ZNF713: variants seen among roughly 807,000 people sequenced by gnomAD.
ZNF713 encodes zinc finger protein 713.
Under a neutral mutation model 28.7 loss-of-function variants are expected in ZNF713, and 21 were observed. That is an observed-to-expected ratio of 0.73 (90% CI 0.52 to 1.05). The LOEUF (loss-of-function observed/expected upper bound fraction) is 1.05, where lower values mean the gene tolerates loss of function less well. ZNF713 is among the 50% of genes least tolerant of loss of function. The probability of loss-of-function intolerance (pLI) is 0.00; values close to 1 mark genes in which losing one functional copy is unlikely to be tolerated. For synonymous variants in ZNF713, 167 were observed against 178.0 expected, an observed-to-expected ratio of 0.94 and a Z score of 0.49; for missense variants, 458 against 532.4, an observed-to-expected ratio of 0.86 and a Z score of 1.37.
In ZNF713 at chr7:55,939,753, A is replaced by C; in HGVS notation, c.1079A>C (p.His360Pro). The C allele has an allele frequency of 6.2e-7, 1 of 1,614,214 alleles. No individual in the cohort carries two copies. Among genetic ancestry groups the C allele is most frequent in the South Asian group, 1.1e-5 (1 of 91,086 alleles). ...AGCCGCATCACATCCCTTACTGAAC[A>C]TCATAGACTTCATACCGGAGAGAAA... Reference protein sequence around the residue: ...AFSRITSLTEHHRLHTGEKPY... With the variant: ...AFSRITSLTEPHRLHTGEKPY... The change falls in exon 7 of 7, where the codon CAT becomes CCT. Residue 360 changes from histidine to proline, a missense_variant. Physicochemically the swap from His to Pro is moderately conservative, Grantham distance 77 (BLOSUM62 -2). Coordinates refer to ENST00000429591, the MANE Select transcript of ZNF713 (RefSeq NM_182633.3).
chr7:55,908,228 C>A lies in ZNF713; in HGVS notation c.-456+1849C>A, dbSNP rs190986037. On this transcript the variant is annotated intron_variant, in intron 2 of 6. Coordinates refer to ENST00000429591, the MANE Select transcript of ZNF713 (RefSeq NM_182633.3). ...TGTGATCTTGGCTCAGTGCAACCTC[C>A]GTCTCCCAGGCTTAAGCGATTCTCC... 3.0e-3 allele frequency among the ~76,000 whole-genome samples: 449 copies of A among 149,938 alleles called. 5 individuals carry two copies. The highest frequency in any genetic ancestry group is 5.5e-3 in the Admixed American group (82 of 14,964).
At chr7:55,932,766 C>T (rs1786237984) in intron 6 of ZNF713, among the ~76,000 whole-genome samples, 1 of 148,264 alleles carries the variant, frequency 6.7e-6, no homozygotes, top group African/African-American at 2.5e-5. Context: ...CGCCTGTAGT[C>T]CCAGCTACTC....
In ZNF713 at chr7:55,900,483, G is replaced by A. The variant is rs377672582; in HGVS notation, c.-582-5770G>A. On this transcript the variant is annotated intron_variant, in intron 1 of 6. Transcript: ENST00000429591. Reference sequence around the variant, plus strand: ...ACTCCATTTCAAAAAAAAAAAATGTGGTATATATACACAATGGAATACTAT... The same window carrying A: ...ACTCCATTTCAAAAAAAAAAAATGTAGTATATATACACAATGGAATACTAT... 4.8e-4 allele frequency among the ~76,000 whole-genome samples: 73 copies of A among 151,646 alleles called. 1 individual carries two copies. In the East Asian group the frequency reaches 8.3e-3, roughly 17 times the overall value.
intron 1 of ZNF713, among the ~76,000 whole-genome samples, chr7:55,892,425 A>G (rs1351704773): frequency 6.6e-6 from 1 of 151,762 alleles, no homozygotes; most frequent in African/African-American, 2.4e-5. Flanking sequence ...TTTTCTCCCT[A>G]TCATAAGGGT....
chr7:55,935,091 G>A (rs927584315), intron 6 of ZNF713, among the ~76,000 whole-genome samples: 12 of 151,668 alleles, frequency 7.9e-5, no homozygotes, highest in East Asian at 3.9e-4. Context: ...GGGTTTCACC[G>A]TGTTGGCCAG....
chr7:55,939,411 A>G lies in ZNF713; in HGVS notation c.737A>G (p.Gln246Arg). The change falls in exon 7 of 7, where the codon CAA (glutamine) becomes CGA (arginine). Residue 246 changes from glutamine (Q) to arginine (R), a missense_variant. Coordinates refer to ENST00000429591, the MANE Select transcript of ZNF713 (RefSeq NM_182633.3). Reference protein sequence around the residue: ...EYSECGKIFNQHILLTDHIHT... With the variant: ...EYSECGKIFNRHILLTDHIHT... ...AGTGAGTGTGGAAAAATCTTCAATC[A>G]ACATATTCTTCTTACTGATCATATT... 6.2e-7 allele frequency: 1 copy of G among 1,613,888 alleles called. No individual in the cohort carries two copies. The highest frequency in any genetic ancestry group is 8.5e-7 in the Non-Finnish European group (1 of 1,180,012).
intron 1 of ZNF713, among the ~76,000 whole-genome samples, chr7:55,892,226 C>T (rs534605602): frequency 1.1e-4 from 15 of 139,808 alleles, no homozygotes; most frequent in African/African-American, 2.5e-4. Context: ...TGCAGTGAGC[C>T]GAGATCGCGC....
chr7:55,928,854 G>A (rs1413718953), intron 6 of ZNF713, among the ~76,000 whole-genome samples: 3 of 152,010 alleles, frequency 2.0e-5, no homozygotes, highest in African/African-American at 4.8e-5. Context: ...CCTGCAGGCC[G>A]GGTGCCAGGG....
chr7:55,932,807 C>CCGGGAAG (rs2116262263), intron 6 of ZNF713, among the ~76,000 whole-genome samples: 1 of 133,766 alleles, frequency 7.5e-6, no homozygotes, highest in Admixed American at 8.4e-5. Flanking sequence ...TGGCGTGAAC[C>CCGGGAAG]CGGGAAGCGG....
intron 1 of ZNF713, among the ~76,000 whole-genome samples, chr7:55,903,013 AAAG>A (rs1261650320): frequency 4.7e-5 from 7 of 150,484 alleles, no homozygotes; most frequent in African/African-American, 1.2e-4. Flanking sequence ...AAAAAAAAAA[AAAG>A]AGTGTTAATT....
chr7:55,936,896 C>T lies in ZNF713; in HGVS notation c.308-2086C>T, dbSNP rs556992608. Among the ~76,000 whole-genome samples the T allele has an allele frequency of 1.6e-3, 243 of 152,210 alleles. 7 individuals carry two copies. In the South Asian group the frequency reaches 0.049, roughly 31 times the overall value. On this transcript the variant is annotated intron_variant, in intron 6 of 6. Coordinates refer to ENST00000429591, the MANE Select transcript of ZNF713 (RefSeq NM_182633.3). Reference sequence around the variant, plus strand: ...TGGTAAAAGTTCTCCAAAATGAAGCCATTTTAACCATCTGCTAAGCTGAGT... The same window carrying T: ...TGGTAAAAGTTCTCCAAAATGAAGCTATTTTAACCATCTGCTAAGCTGAGT...
intron 1 of ZNF713, among the ~76,000 whole-genome samples, chr7:55,895,888 G>A (rs1188414726): frequency 6.6e-6 from 1 of 152,140 alleles, no homozygotes; most frequent in Non-Finnish European, 1.5e-5. Context: ...AGCCTGGAAA[G>A]GTTGAGTCAT....
intron 1 of ZNF713, among the ~76,000 whole-genome samples, chr7:55,889,853 A>G (rs1035331561): frequency 3.3e-5 from 5 of 152,112 alleles, no homozygotes; most frequent in African/African-American, 4.8e-5. Context: ...TTTTAATTTT[A>G]CCTTAGAGTA....
rs1247672208 is a variant in ZNF713, at chr7:55,939,291, C to T, written c.617C>T (p.Pro206Leu). Residue 206 changes from proline to leucine, a missense_variant, in exon 7 of 7, where the codon CCC becomes CTC. Coordinates refer to ENST00000429591, the MANE Select transcript of ZNF713 (RefSeq NM_182633.3). ...MQQRIPSIKI[P>L]LNSDTQGNSI... The stretch of plus-strand genomic sequence containing the variant: ...CAGAGAATTCCTTCCATTAAAATAC[C>T]CCTGAATTCTGACACACAGGGAAAC... 1.9e-6 allele frequency: 3 copies of T among 1,613,906 alleles called. No individual in the cohort carries two copies. Among genetic ancestry groups the T allele is most frequent in the South Asian group, 2.2e-5 (2 of 91,074 alleles).
At chr7:55,937,117 G>A (rs1040824093) in intron 6 of ZNF713, among the ~76,000 whole-genome samples, 1 of 152,020 alleles carries the variant, frequency 6.6e-6, no homozygotes, top group African/African-American at 2.4e-5. Context: ...TGACCAACAT[G>A]GCAAAACCCT....
chr7:55,887,510 C>G lies in ZNF713; in HGVS notation c.-753C>G, dbSNP rs1478894993. ...TGTCCTCAGAGCAGGTCTGGCGCGC[C>G]GGTGGCTGGACCGGCCCCAGGAGCC... On this transcript the variant is annotated 5_prime_UTR_variant, in exon 1 of 7. Transcript: ENST00000429591. 6.2e-6 allele frequency: 1 copy of G among 161,746 alleles called. No homozygotes were observed. The highest frequency in any genetic ancestry group is 1.8e-4 in the East Asian group (1 of 5,532). 10.0% of individuals were successfully genotyped at this position (161,746 alleles called of 1,614,324 possible).
At chr7:55,937,938 T>C (rs1408350162) in intron 6 of ZNF713, among the ~76,000 whole-genome samples, 1 of 151,312 alleles carries the variant, frequency 6.6e-6, no homozygotes, top group Non-Finnish European at 1.5e-5. Flanking sequence ...GCACGGTGGC[T>C]CATGCCTATA....
At chr7:55,919,190 G>T (rs1785938387) in intron 4 of ZNF713, among the ~76,000 whole-genome samples, 2 of 152,116 alleles carry the variant, frequency 1.3e-5, no homozygotes, top group African/African-American at 4.8e-5. Context: ...AGTTTGAAAA[G>T]AAAACTTTCT....
intron 1 of ZNF713, among the ~76,000 whole-genome samples, chr7:55,896,175 C>A (rs989988240): frequency 2.6e-5 from 4 of 151,808 alleles, no homozygotes; most frequent in African/African-American, 9.7e-5. Context: ...AGAATAAATA[C>A]AATAAAAAAT....
Sources: gnomAD v4.1 joint callset for allele counts (sites outside exome capture counted in the v4.1 genomes callset) on GRCh38, gnomAD v4.1.1 for gene constraint, MANE v1.5 for transcripts, NCBI Gene and HGNC (gene_info 2026-07-23, HGNC 2026-07-21) for gene names.